GADL1: variants seen among roughly 807,000 people sequenced by gnomAD.
GADL1 encodes GAD like acidic amino acid decarboxylase 1.
GADL1 carries 71 observed loss-of-function variants against 69.5 expected under a neutral mutation model. That is an observed-to-expected ratio of 1.02 (90% CI 0.84 to 1.25). The LOEUF is 1.25. Ranked by LOEUF, GADL1 falls within the 50% of genes most tolerant of loss-of-function variation. The pLI is 0.00. For missense variants in GADL1, 737 were observed against 631.8 expected (o/e 1.17, Z -1.79); for synonymous variants, 254 against 214.4 (o/e 1.18, Z -1.62).
intron 11 of GADL1, among the ~76,000 whole-genome samples, chr3:30,822,446 T>C (rs1697599481): frequency 6.6e-6 from 1 of 152,038 alleles, no homozygotes; most frequent in Non-Finnish European, 1.5e-5. Context: ...TAAAGAAATA[T>C]TCTCAAGCTT....
chr3:30,787,919 C>G (rs1696831077), intron 12 of GADL1, among the ~76,000 whole-genome samples: 1 of 152,012 alleles, frequency 6.6e-6, no homozygotes, highest in African/African-American at 2.4e-5. Flanking sequence ...ATTTATACAG[C>G]TTTTTATATT....
At chr3:30,791,009 TA>T (rs1696900781) in intron 12 of GADL1, among the ~76,000 whole-genome samples, 1 of 151,370 alleles carries the variant, frequency 6.6e-6, no homozygotes, top group African/African-American at 2.4e-5. Context: ...TTTTTTTTTT[TA>T]AATCTCTATC....
intron 12 of GADL1, chr3:30,799,416 G>A (rs1697115045): frequency 6.6e-6 from 1 of 152,288 alleles, no homozygotes; most frequent in African/African-American, 2.4e-5. Flanking sequence ...GCAATGGCTG[G>A]AGCAGCTGGG....
chr3:30,742,310 A>G (rs1289850375), intron 14 of GADL1, among the ~76,000 whole-genome samples: 1 of 151,554 alleles, frequency 6.6e-6, no homozygotes, highest in Non-Finnish European at 1.5e-5. Context: ...AAACTTTTAT[A>G]GTTTTCTTCC....
At chr3:30,805,865 TAG>T (rs1438589997) in intron 11 of GADL1, among the ~76,000 whole-genome samples, 5 of 151,094 alleles carry the variant, frequency 3.3e-5, no homozygotes, top group East Asian at 2.0e-4. Context: ...AATCAGGCAT[TAG>T]AGTCTCATAA....
intron 1 of GADL1, among the ~76,000 whole-genome samples, chr3:30,885,144 T>C (rs1471650806): frequency 6.6e-6 from 1 of 152,106 alleles, no homozygotes; most frequent in Non-Finnish European, 1.5e-5. Flanking sequence ...TCTGGCGTGT[T>C]CCTTAGCAAA....
At chr3:30,823,987 G>A (rs559438790) in intron 11 of GADL1, among the ~76,000 whole-genome samples, 1 of 151,836 alleles carries the variant, frequency 6.6e-6, no homozygotes, top group East Asian at 1.9e-4. Flanking sequence ...AAGAAGAAAA[G>A]AAAGGAAGAA....
At chr3:30,752,570 CGA>C (rs1262842512) in intron 14 of GADL1, among the ~76,000 whole-genome samples, 1 of 152,168 alleles carries the variant, frequency 6.6e-6, no homozygotes, top group Non-Finnish European at 1.5e-5. Flanking sequence ...AACCCAGTCT[CGA>C]GGAGTTATGC....
chr3:30,893,026 T>C (rs1189163367), intron 1 of GADL1, among the ~76,000 whole-genome samples: 2 of 152,148 alleles, frequency 1.3e-5, no homozygotes, highest in African/African-American at 4.8e-5. Flanking sequence ...GGCTAATTTT[T>C]TGTATTTTTA....
At chr3:30,791,187 TACAAAAC>T (rs1453642746) in intron 12 of GADL1, among the ~76,000 whole-genome samples, 1 of 152,122 alleles carries the variant, frequency 6.6e-6, no homozygotes, top group Non-Finnish European at 1.5e-5. Flanking sequence ...AACTTAAAAA[TACAAAAC>T]AAATAGATGA....
chr3:30,748,173 T>C (rs533619800), intron 14 of GADL1, among the ~76,000 whole-genome samples: 1 of 152,312 alleles, frequency 6.6e-6, no homozygotes, highest in Non-Finnish European at 1.5e-5. Context: ...GCATAGACAC[T>C]ATGGATTGAT....
intron 14 of GADL1, among the ~76,000 whole-genome samples, chr3:30,747,407 T>C (rs1004572962): frequency 1.3e-5 from 2 of 152,084 alleles, no homozygotes; most frequent in Non-Finnish European, 2.9e-5. Context: ...TCTATCTGAA[T>C]ACTAGAGAAG....
Position 30,731,630 on chromosome 3 carries a change from A to C in GADL1, c.1393-3215T>G, listed in dbSNP as rs1575176614. 2.0e-5 allele frequency among the ~76,000 whole-genome samples: 3 copies of C among 152,208 alleles called. No homozygotes were observed. The South Asian group carries it at 6.2e-4, about 31-fold the overall frequency. ...GACTGTACTTCCATGGGCAAAACGCAGGGAATAAAAACCAAACTTCTAGGA... is the reference window on the plus strand; with the variant it reads ...GACTGTACTTCCATGGGCAAAACGCCGGGAATAAAAACCAAACTTCTAGGA... On this transcript the variant is annotated intron_variant, in intron 14 of 14. Coordinates refer to ENST00000282538, the MANE Select transcript of GADL1 (RefSeq NM_207359.3).
At position 30,800,946 on chromosome 3, in the gene GADL1, T is replaced by C. The variant is rs780147431; in HGVS notation, c.1193A>G (p.Lys398Arg). The change falls in exon 12 of 15, where the codon AAG (lysine) becomes AGG (arginine). Residue 398 changes from lysine (K) to arginine (R), a missense_variant. Lys to Arg is a conservative substitution (Grantham distance 26, BLOSUM62 2). Transcript: ENST00000282538. ...TTCAAGGCCTAATGTACCCAGGGCCTTCCAGGTCATCCAGAACTTGAATGC... is the reference window on the plus strand; with the variant it reads ...TTCAAGGCCTAATGTACCCAGGGCCCTCCAGGTCATCCAGAACTTGAATGC... ...PDAFKFWMTW[K>R]ALGTLGLEER... 3.1e-6 allele frequency: 5 copies of C among 1,613,686 alleles called. No individual in the cohort carries two copies. In the Admixed American group the frequency reaches 6.7e-5, roughly 22 times the overall value.
chr3:30,798,400 AAG>A (rs2125505537), intron 12 of GADL1: 1 of 152,958 alleles, frequency 6.5e-6, no homozygotes, highest in South Asian at 2.1e-4. Context: ...GCAAGAGAAA[AAG>A]AAACGCAAAA....
At chr3:30,827,530 G>C (rs1026503370) in intron 11 of GADL1, among the ~76,000 whole-genome samples, 1 of 151,838 alleles carries the variant, frequency 6.6e-6, no homozygotes, top group Non-Finnish European at 1.5e-5. Flanking sequence ...AAATGTTATT[G>C]GTTTGTTTGG....
rs374807648 is a variant in GADL1 at position 30,730,215 on chromosome 3, A to G, written c.1393-1800T>C. 3.3e-5 allele frequency among the ~76,000 whole-genome samples: 5 copies of G among 152,286 alleles called. No homozygotes were observed. In the South Asian group the frequency reaches 8.3e-4, roughly 25 times the overall value. On this transcript the variant is annotated intron_variant, in intron 14 of 14. Coordinates refer to ENST00000282538, the MANE Select transcript of GADL1 (RefSeq NM_207359.3). ...ATCTGCTTCAAACCCATGAATTTGTATGCATTGGTTGAGTTTTCTTCCAAA... is the reference window on the plus strand; with the variant it reads ...ATCTGCTTCAAACCCATGAATTTGTGTGCATTGGTTGAGTTTTCTTCCAAA...
intron 6 of GADL1, among the ~76,000 whole-genome samples, chr3:30,848,575 A>G (rs1175357400): frequency 6.6e-6 from 1 of 152,068 alleles, no homozygotes; most frequent in African/African-American, 2.4e-5. Flanking sequence ...GTAAGAAGCT[A>G]AACTCATTCT....
intron 14 of GADL1, among the ~76,000 whole-genome samples, chr3:30,768,176 G>T (rs1696329927): frequency 6.6e-6 from 1 of 152,092 alleles, no homozygotes; most frequent in Admixed American, 6.6e-5. Context: ...AAAGCTGCAT[G>T]AGTTTTTTCA....
Sources: allele counts gnomAD v4.1 joint callset (sites outside exome capture counted in the v4.1 genomes callset), GRCh38; gene constraint gnomAD v4.1.1; transcripts MANE v1.5; gene names NCBI Gene and HGNC (gene_info 2026-07-23, HGNC 2026-07-21).